Variants in MRC1 observed in about 807,000 individuals in gnomAD.
The protein encoded by MRC1 is mannose receptor C-type 1.
A neutral mutation model predicts 102.9 loss-of-function variants in MRC1; 62 were observed. The ratio of observed to expected loss-of-function variants is 0.60; its 90% confidence interval spans 0.49 to 0.74. The LOEUF (loss-of-function observed/expected upper bound fraction) is 0.74. Ranked by LOEUF, MRC1 falls within the 30% of genes least tolerant of loss-of-function variation. MRC1 has a pLI of 0.00. For missense variants in MRC1, 1,237 were observed against 862.8 expected (o/e 1.43, Z -5.43); for synonymous variants, 457 against 298.4 (o/e 1.53, Z -5.48).
chr10:17,897,035 CAAAT>C (rs1193926001), intron 23 of MRC1, among the ~76,000 whole-genome samples: 2 of 152,178 alleles, frequency 1.3e-5, no homozygotes, highest in Admixed American at 6.5e-5. Flanking sequence ...AATACACAAA[CAAAT>C]GAATGTGGCT....
intron 1 of MRC1, 107 bp from the exon 2 acceptor site, chr10:17,822,967 A>T: frequency 1.4e-6 from 1 of 717,190 alleles, no homozygotes; most frequent in Non-Finnish European, 2.6e-6. Flanking sequence ...TCTTTAGGGA[A>T]ATGGAAGAGT....
intron 19 of MRC1, among the ~76,000 whole-genome samples, 200 bp downstream of exon 19, chr10:17,880,021 GT>G (rs1298176591): frequency 7.9e-5 from 12 of 152,160 alleles, no homozygotes; most frequent in African/African-American, 2.4e-4. Flanking sequence ...AAATGACATA[GT>G]TAATCTTCTC....
intron 1 of MRC1, among the ~76,000 whole-genome samples, chr10:17,821,765 G>A (rs1424519559): frequency 6.6e-6 from 1 of 152,114 alleles, no homozygotes; most frequent in Non-Finnish European, 1.5e-5. Flanking sequence ...AAACACTGAA[G>A]GACGCTACTA....
Position 17,907,751 on chromosome 10 carries a change from A to G in MRC1, c.4078+53A>G. 5.1e-6 allele frequency: 4 copies of G among 778,708 alleles called. No homozygotes were observed. The South Asian group carries it at 5.4e-5, about 10-fold the overall frequency. 48.2% of individuals were successfully genotyped at this position (778,708 alleles called of 1,614,324 possible). A position where few individuals can be genotyped will look rare whatever the true frequency, so the allele number is the denominator to read the frequency against. ...ATATCACTGGCTGCCATTTCTTTCA[A>G]ATAGTAAGATATCAGGTATGGAATC... On this transcript the variant is annotated intron_variant, in intron 28 of 29. Coordinates refer to ENST00000569591, the MANE Select transcript of MRC1 (RefSeq NM_002438.4).
rs1429190756 is a variant in MRC1 at position 17,866,329 on chromosome 10, A to T, written c.1784-233A>T. On this transcript the variant is annotated intron_variant, in intron 11 of 29. Coordinates refer to ENST00000569591, the MANE Select transcript of MRC1 (RefSeq NM_002438.4). ...GGAGGGAGGGAGAGAGAAGCAGTAA[A>T]CTATTTTTGCCATTATGGTGAATTT... Among the ~76,000 whole-genome samples, 8 of 126,954 alleles carry T rather than the reference A, an allele frequency of 6.3e-5. No homozygotes were observed. In the East Asian group the frequency reaches 9.7e-4, roughly 15 times the overall value. 83.3% of individuals were successfully genotyped at this position (126,954 alleles called of 152,430 possible).
intron 22 of MRC1, among the ~76,000 whole-genome samples, chr10:17,893,201 G>T (rs1263384987): frequency 6.9e-6 from 1 of 145,894 alleles, no homozygotes; most frequent in Admixed American, 6.8e-5. Flanking sequence ...TCTCAGCTTG[G>T]CTGGAGTGCA....
chr10:17,880,389 G>A, intron 19 of MRC1, 136 bp from the exon 20 acceptor site: 1 of 701,822 alleles, frequency 1.4e-6, no homozygotes. Flanking sequence ...GATACCTCTA[G>A]TCACATATAA....
intron 1 of MRC1, among the ~76,000 whole-genome samples, chr10:17,819,811 G>A (rs1285029205): frequency 3.3e-5 from 5 of 152,090 alleles, no homozygotes; most frequent in Non-Finnish European, 7.4e-5. Flanking sequence ...TGGGTATGGT[G>A]GCACAGGTCT....
chr10:17,894,229 T>C lies in MRC1; in HGVS notation c.3167T>C (p.Ile1056Thr). The change falls in exon 23 of 30, where the codon ATT becomes ACT. Residue 1056 changes from isoleucine to threonine, a missense_variant. Coordinates refer to ENST00000569591, the MANE Select transcript of MRC1 (RefSeq NM_002438.4). The part of the protein sequence containing the change: ...SYEDADCVVI[I>T]GGASNEAGKW... ...ATACAGGCTGACTGTGTTGTTATTA[T>C]TGGAGGTGCATCAAATGAAGCAGGA... is the stretch of plus-strand genomic sequence containing the variant. The C allele has an allele frequency of 1.1e-6, 1 of 872,664 alleles. No homozygotes were observed. The highest frequency in any genetic ancestry group is 2.2e-4 in the Middle Eastern group (1 of 4,606). 54.1% of individuals were successfully genotyped at this position (872,664 alleles called of 1,614,324 possible).
rs1356567437 is a variant in MRC1, at chr10:17,910,407, C to T, written c.4313C>T (p.Thr1438Ile). 1.3e-6 allele frequency: 1 copy of T among 780,640 alleles called. No individual in the cohort carries two copies. The highest frequency in any genetic ancestry group is 2.4e-6 in the Non-Finnish European group (1 of 417,962). 48.4% of individuals were successfully genotyped at this position (780,640 alleles called of 1,614,324 possible). The change falls in exon 30 of 30, where the codon ACT becomes ATT. Residue 1438 changes from threonine to isoleucine, a missense_variant. Thr to Ile is a moderately conservative substitution (Grantham distance 89, BLOSUM62 -1). Transcript: ENST00000569591. ...LYFNSQSSPG[T>I]SDMKDLVGNI... ...TTTAACAGTCAGTCAAGCCCAGGAACTAGTGATATGAAAGATCTCGTGGGC... is the reference window on the plus strand; with the variant it reads ...TTTAACAGTCAGTCAAGCCCAGGAATTAGTGATATGAAAGATCTCGTGGGC...
rs1466032819 is a variant in MRC1 at position 17,870,334 on chromosome 10, A to G, written c.2072A>G (p.Asn691Ser). 2.3e-5 allele frequency: 18 copies of G among 780,526 alleles called. No homozygotes were observed. Among genetic ancestry groups the G allele is most frequent in the East Asian group, 4.9e-5 (2 of 41,230 alleles). The allele number at this position is 780,526 out of a possible 1,614,324, so 48.4% of individuals were successfully genotyped here. A position where few individuals can be genotyped will look rare whatever the true frequency, so the allele number is the denominator to read the frequency against. The change falls in exon 13 of 30, where the codon AAT becomes AGT. Residue 691 changes from asparagine to serine, a missense_variant. Physicochemically the swap from Asn to Ser is conservative, Grantham distance 46. Coordinates refer to ENST00000569591, the MANE Select transcript of MRC1 (RefSeq NM_002438.4). ...RALGGDLASI[N>S]NKEEQQTIWR... ...CTGGGTGGAGACTTAGCTAGCATCA[A>G]TAACAAAGAGGAACAGCAAACAATA...
chr10:17,832,534 G>C (rs1414006204), intron 3 of MRC1, among the ~76,000 whole-genome samples: 3 of 148,688 alleles, frequency 2.0e-5, no homozygotes, highest in African/African-American at 7.6e-5. Flanking sequence ...CAGCCTGGGC[G>C]ACAGAGCGAG....
In MRC1 at chr10:17,910,235, C is replaced by T. The variant is rs1833950387; in HGVS notation, c.4141C>T (p.Pro1381Ser). The change falls in exon 30 of 30, where the codon CCT becomes TCT. Residue 1381 changes from proline to serine, a missense_variant. Coordinates refer to ENST00000569591, the MANE Select transcript of MRC1 (RefSeq NM_002438.4). ...TATAGCTGACACAAGGAAGATGGAC[C>T]CTTCTAAACCGTCTTCCAACGTGGC... is the stretch of plus-strand genomic sequence containing the variant. ...TTKADTRKMD[P>S]SKPSSNVAGV... The T allele has an allele frequency of 2.6e-6, 2 of 780,838 alleles. No individual in the cohort carries two copies. The highest frequency in any genetic ancestry group is 2.4e-6 in the Non-Finnish European group (1 of 417,956). The allele number at this position is 780,838 out of a possible 1,614,324, so 48.4% of individuals were successfully genotyped here.
chr10:17,825,978 G>T (rs1004920649), intron 2 of MRC1, among the ~76,000 whole-genome samples: 1 of 151,988 alleles, frequency 6.6e-6, no homozygotes, highest in Non-Finnish European at 1.5e-5. Flanking sequence ...AGCTGGAATC[G>T]CATTTTAAAG....
At chr10:17,845,038 G>C in intron 5 of MRC1, 1 of 738,890 alleles carries the variant, frequency 1.4e-6, no homozygotes, top group Admixed American at 1.7e-5. Flanking sequence ...TGGGGGAAAG[G>C]GTTGTTTCAA....
chr10:17,903,377 C>CT (rs1833853897), intron 26 of MRC1, among the ~76,000 whole-genome samples: 2 of 121,114 alleles, frequency 1.7e-5, no homozygotes, highest in Admixed American at 8.1e-5. Context: ...TTTTCTTTTT[C>CT]TTTTCTTTTT....
chr10:17,866,512 C>T (rs1833269841), intron 11 of MRC1, 50 bp from the exon 12 acceptor site: 1 of 780,814 alleles, frequency 1.3e-6, no homozygotes. Context: ...GCACGGCAGG[C>T]CTTCAGCAGG....
intron 6 of MRC1, among the ~76,000 whole-genome samples, chr10:17,849,119 T>C (rs1018439710): frequency 6.8e-5 from 10 of 148,074 alleles, no homozygotes; most frequent in Non-Finnish European, 1.2e-4. Flanking sequence ...TATAGTCTTG[T>C]TGTAGATATA....
intron 6 of MRC1, among the ~76,000 whole-genome samples, chr10:17,848,322 C>G (rs934281600): frequency 1.8e-4 from 27 of 152,266 alleles, no homozygotes; most frequent in East Asian, 1.3e-3. Context: ...TAATAACAAG[C>G]AGCCATATAT....
Sources: allele counts gnomAD v4.1 joint callset (sites outside exome capture counted in the v4.1 genomes callset), GRCh38; gene constraint gnomAD v4.1.1; transcripts MANE v1.5; gene names NCBI Gene and HGNC (gene_info 2026-07-23, HGNC 2026-07-21).